SPINK4: variants seen among roughly 807,000 people sequenced by gnomAD.
SPINK4 encodes serine protease inhibitor Kazal-type 4.
A neutral mutation model predicts 12.3 loss-of-function variants in SPINK4; 10 were observed. That is an observed-to-expected ratio of 0.81 (90% CI 0.50 to 1.37). The LOEUF is 1.37. Ranked by LOEUF, SPINK4 falls within the 40% of genes most tolerant of loss-of-function variation. The probability of loss-of-function intolerance (pLI) is 0.00; values close to 1 mark genes in which losing one functional copy is unlikely to be tolerated. For missense variants in SPINK4, 91 were observed against 109.0 expected (o/e 0.84, Z 0.73); for synonymous variants, 37 against 40.2 (o/e 0.92, Z 0.30).
chr9:33,240,522 A>C (rs706108), intron 1 of SPINK4, among the ~76,000 whole-genome samples: 1 of 152,072 alleles, frequency 6.6e-6, no homozygotes, highest in African/African-American at 2.4e-5. Context: ...CAGCTGTAAA[A>C]GAGGGCATTG....
At chr9:33,246,592 C>A (rs749684317) in intron 2 of SPINK4, 24 bp from the exon 3 acceptor site, 1 of 1,600,600 alleles carries the variant, frequency 6.2e-7, no homozygotes, top group South Asian at 1.1e-5. Flanking sequence ...TCCCTGAGTC[C>A]TCTCCCTCCC....
chr9:33,243,349 A>G (rs1022438205), intron 1 of SPINK4, among the ~76,000 whole-genome samples: 5 of 152,278 alleles, frequency 3.3e-5, no homozygotes, highest in Middle Eastern at 6.8e-3. Context: ...CTGGGATTAC[A>G]GGTGTGTGCT....
chr9:33,241,763 A>T (rs989199663), intron 1 of SPINK4, among the ~76,000 whole-genome samples: 6 of 152,172 alleles, frequency 3.9e-5, no homozygotes, highest in Non-Finnish European at 8.8e-5. Flanking sequence ...GGTCAAGGTC[A>T]AGGGCAGCCT....
At chr9:33,243,780 A>C (rs1587780158) in intron 1 of SPINK4, among the ~76,000 whole-genome samples, 1 of 152,156 alleles carries the variant, frequency 6.6e-6, no homozygotes, top group African/African-American at 2.4e-5. Context: ...GCCAGGCTTA[A>C]ACAGCACATT....
Position 33,240,200 on chromosome 9 carries a change from A to G in SPINK4, c.-9A>G, listed in dbSNP as rs1044007711. The G allele has an allele frequency of 1.0e-5, 16 of 1,602,752 alleles. No individual in the cohort carries two copies. The highest frequency in any genetic ancestry group is 6.8e-5 in the Admixed American group (4 of 58,908). On this transcript the variant is annotated 5_prime_UTR_variant, in exon 1 of 4. Transcript: ENST00000379721. The stretch of plus-strand genomic sequence containing the variant: ...CAGCCAGCTCAGGCTACACTATCCC[A>G]GGATCAGCATGGCCGTCCGCCAGTG...
intron 1 of SPINK4, among the ~76,000 whole-genome samples, chr9:33,243,886 C>G (rs1820262333): frequency 6.6e-6 from 1 of 152,180 alleles, no homozygotes; most frequent in African/African-American, 2.4e-5. Flanking sequence ...GCCTTGCACA[C>G]CTCCAGTGAT....
At chr9:33,248,157 T>C (rs1465977095) in intron 3 of SPINK4, 3 of 496,374 alleles carry the variant, frequency 6.0e-6, no homozygotes, top group Non-Finnish European at 1.1e-5. Context: ...AGGTAGGACA[T>C]AGGTCCGAGC....
intron 1 of SPINK4, 119 bp from the exon 2 acceptor site, chr9:33,244,993 G>A: frequency 2.2e-6 from 2 of 912,148 alleles, no homozygotes; most frequent in Non-Finnish European, 3.3e-6. Context: ...ACCTTTCCTT[G>A]AGGAATTCCA....
chr9:33,243,297 TCCTGACTTCAGGTGATCCA>T (rs1298007732), intron 1 of SPINK4, among the ~76,000 whole-genome samples: 1 of 152,166 alleles, frequency 6.6e-6, no homozygotes, highest in Admixed American at 6.5e-5. Flanking sequence ...GGTCTCGAAC[TCCTGACTTCAGGTGATCCA>T]CCTGCCTCAG....
At position 33,248,360 on chromosome 9, in the gene SPINK4, A is replaced by T. The variant is rs1820306567; in HGVS notation, c.216-66A>T. On this transcript the variant is annotated intron_variant, in intron 3 of 3. Transcript: ENST00000379721. ...GCAGGATGTCTGGATGGACTGTGCC[A>T]GGTCCCTGAATGGTACACTACAGCT... The T allele has an allele frequency of 2.6e-6, 4 of 1,561,900 alleles. No individual in the cohort carries two copies. The Middle Eastern group carries it at 6.8e-4, about 267-fold the overall frequency.
chr9:33,245,439 C>A (rs779168825), intron 2 of SPINK4, among the ~76,000 whole-genome samples: 46 of 152,334 alleles, frequency 3.0e-4, no homozygotes, highest in Admixed American at 9.8e-4. Flanking sequence ...CCAGGCTTAG[C>A]AGGACAGGGT....
intron 1 of SPINK4, among the ~76,000 whole-genome samples, chr9:33,240,723 A>G (rs1342995470): frequency 6.6e-6 from 1 of 152,200 alleles, no homozygotes; most frequent in African/African-American, 2.4e-5. Flanking sequence ...GGACTTGGGC[A>G]GCCATGTGAG....
chr9:33,240,226 G>A lies in SPINK4; in HGVS notation c.18G>A (p.Trp6Ter), dbSNP rs1301397502. MAVRQ[W>*]VIALALAALL... Reference sequence around the variant, plus strand: ...GGATCAGCATGGCCGTCCGCCAGTGGGTAATCGCCCTGGCCTTGGCTGCCC... The same window carrying A: ...GGATCAGCATGGCCGTCCGCCAGTGAGTAATCGCCCTGGCCTTGGCTGCCC... The change falls in exon 1 of 4, where the codon TGG becomes TGA. Residue 6 changes from tryptophan (W) to a stop codon, truncating the protein, a stop_gained. Coordinates refer to ENST00000379721, the MANE Select transcript of SPINK4 (RefSeq NM_014471.3). LOFTEE classifies it high-confidence loss of function. 6.8e-6 allele frequency: 11 copies of A among 1,607,408 alleles called. No individual in the cohort carries two copies. In the East Asian group the frequency reaches 1.4e-4, roughly 20 times the overall value.
intron 2 of SPINK4, among the ~76,000 whole-genome samples, chr9:33,245,826 C>T (rs1223015868): frequency 6.6e-6 from 1 of 152,168 alleles, no homozygotes; most frequent in Non-Finnish European, 1.5e-5. Context: ...TTCAATTAGC[C>T]CTATGTGAGA....
chr9:33,246,688 C>T lies in SPINK4; in HGVS notation c.175C>T (p.Leu59Phe), dbSNP rs1433169310. Residue 59 changes from leucine (L) to phenylalanine (F), a missense_variant, in exon 3 of 4, where the codon CTC becomes TTC. By Grantham distance (22) the Leu-to-Phe change is conservative (BLOSUM62 0). Coordinates refer to ENST00000379721, the MANE Select transcript of SPINK4 (RefSeq NM_014471.3). The part of the protein sequence containing the change: ...MSNLVCGTDG[L>F]TYTNECQLCL... Reference sequence around the variant, plus strand: ...CAACCTGGTCTGCGGCACTGATGGGCTCACATATACGAATGAATGCCAGCT... The same window carrying T: ...CAACCTGGTCTGCGGCACTGATGGGTTCACATATACGAATGAATGCCAGCT... The T allele has an allele frequency of 6.2e-7, 1 of 1,614,064 alleles. No individual in the cohort carries two copies. Among genetic ancestry groups the T allele is most frequent in the Non-Finnish European group, 8.5e-7 (1 of 1,180,020 alleles).
chr9:33,240,910 G>A (rs2117866150), intron 1 of SPINK4, among the ~76,000 whole-genome samples: 1 of 152,308 alleles, frequency 6.6e-6, no homozygotes, highest in South Asian at 2.1e-4. Flanking sequence ...ATCCAATGGG[G>A]TAGAGGAAAA....
chr9:33,242,290 A>G (rs1323236206), intron 1 of SPINK4, among the ~76,000 whole-genome samples: 1 of 152,206 alleles, frequency 6.6e-6, no homozygotes, highest in Non-Finnish European at 1.5e-5. Flanking sequence ...TGAGTGGGAC[A>G]GTACATGGTG....
At chr9:33,246,762 T>A in intron 3 of SPINK4, 34 bp downstream of exon 3, 1 of 1,595,064 alleles carries the variant, frequency 6.3e-7, no homozygotes, top group Non-Finnish European at 8.6e-7. Flanking sequence ...CTTGCTTGGG[T>A]GGGCCCCATC....
chr9:33,246,172 G>A (rs571953531), intron 2 of SPINK4, among the ~76,000 whole-genome samples: 7 of 152,264 alleles, frequency 4.6e-5, no homozygotes, highest in East Asian at 3.9e-4. Flanking sequence ...GAGAGTTCAG[G>A]AGCCCCCAGG....
Sources: gnomAD v4.1 joint callset for allele counts (sites outside exome capture counted in the v4.1 genomes callset) on GRCh38, gnomAD v4.1.1 for gene constraint, MANE v1.5 for transcripts, NCBI Gene and HGNC (gene_info 2026-07-23, HGNC 2026-07-21) for gene names.